Variants in SLC14A2 observed in about 807,000 individuals in gnomAD.
SLC14A2 encodes solute carrier family 14 member 2.
In SLC14A2, 91 loss-of-function variants were observed where a neutral mutation model predicts 104.6. The ratio of observed to expected loss-of-function variants is 0.87; its 90% confidence interval spans 0.73 to 1.04. SLC14A2 has a LOEUF of 1.04. SLC14A2 is among the 50% of genes least tolerant of loss of function. The probability of loss-of-function intolerance (pLI) is 0.00; values close to 1 mark genes in which losing one functional copy is unlikely to be tolerated. For missense variants in SLC14A2, 1,189 were observed against 1,156.0 expected (o/e 1.03, Z -0.41); for synonymous variants, 476 against 466.4 (o/e 1.02, Z -0.27).
chr18:45,540,310 C>T (rs1442854607), intron 2 of SLC14A2, among the ~76,000 whole-genome samples: 2 of 152,260 alleles, frequency 1.3e-5, no homozygotes. Flanking sequence ...GGAGGACCTT[C>T]GCATTCCTTT....
At chr18:45,173,147 A>G in the SLC14A2 span, among the ~76,000 whole-genome samples, 1 of 152,180 alleles carries the variant, frequency 6.6e-6, no homozygotes, top group Non-Finnish European at 1.5e-5. Context: ...CACCAACTAC[A>G]TGGCCCTTTG....
At chr18:45,314,413 C>T (rs1445353169) in intron 1 of SLC14A2, among the ~76,000 whole-genome samples, 3 of 152,168 alleles carry the variant, frequency 2.0e-5, no homozygotes. Flanking sequence ...AGTAGTCATC[C>T]TAACCATGAT....
At chr18:45,573,556 A>T (rs572746882) in intron 2 of SLC14A2, among the ~76,000 whole-genome samples, 1 of 152,342 alleles carries the variant, frequency 6.6e-6, no homozygotes, top group Admixed American at 6.5e-5. Flanking sequence ...ATATGTTCAA[A>T]GGGGCTGAAA....
Position 45,627,020 on chromosome 18 carries a change from A to G in SLC14A2, c.394A>G (p.Ile132Val), listed in dbSNP as rs1484873. The change falls in exon 4 of 20, where the codon ATC becomes GTC. Residue 132 changes from isoleucine to valine, a missense_variant. Physicochemically the swap from Ile to Val is conservative, Grantham distance 29 (BLOSUM62 3). Coordinates refer to ENST00000255226, the MANE Select transcript of SLC14A2 (RefSeq NM_007163.4). Reference protein sequence around the residue: ...VLRGTAQVMFINNPLSGLIIF... With the variant: ...VLRGTAQVMFVNNPLSGLIIF... ...GAGAGGGACCGCTCAGGTGATGTTCATCAACAATCCTCTCAGCGGCCTCAT... is the reference window on the plus strand; with the variant it reads ...GAGAGGGACCGCTCAGGTGATGTTCGTCAACAATCCTCTCAGCGGCCTCAT... 1,503,111 of 1,612,976 alleles carry G rather than the reference A, an allele frequency of 0.93. 701,494 individuals carry two copies. Among genetic ancestry groups the G allele is most frequent in the Middle Eastern group, 0.97 (5,086 of 5,230 alleles).
At chr18:45,391,658 G>A (rs1467125303) in intron 1 of SLC14A2, among the ~76,000 whole-genome samples, 1 of 152,140 alleles carries the variant, frequency 6.6e-6, no homozygotes, top group Non-Finnish European at 1.5e-5. Context: ...GTTTTGATTT[G>A]CATCTCTCTG....
At chr18:45,335,401 A>G (rs1285687704) in intron 1 of SLC14A2, among the ~76,000 whole-genome samples, 1 of 152,222 alleles carries the variant, frequency 6.6e-6, no homozygotes, top group Non-Finnish European at 1.5e-5. Context: ...TTTTGAGGAC[A>G]TCTATTGAAG....
At chr18:45,219,139 C>T (rs2084038466) in intron 1 of SLC14A2, among the ~76,000 whole-genome samples, 1 of 152,104 alleles carries the variant, frequency 6.6e-6, no homozygotes. Flanking sequence ...CCTCAATTTT[C>T]CCATCATTAG....
intron 1 of SLC14A2, among the ~76,000 whole-genome samples, chr18:45,244,347 C>T (rs894409790): frequency 1.3e-5 from 2 of 152,106 alleles, no homozygotes; most frequent in Non-Finnish European, 2.9e-5. Flanking sequence ...GGGGGTGGTG[C>T]TGGGCGCAGT....
At chr18:45,429,678 CTT>C (rs1200978747) in intron 1 of SLC14A2, among the ~76,000 whole-genome samples, 1 of 152,150 alleles carries the variant, frequency 6.6e-6, no homozygotes, top group African/African-American at 2.4e-5. Context: ...GGAGTCTAGT[CTT>C]TGACAAGAGT....
Position 45,282,343 on chromosome 18 carries a change from C to T in SLC14A2, c.-125+69152C>T, listed in dbSNP as rs34736163. 3.4e-3 allele frequency among the ~76,000 whole-genome samples: 517 copies of T among 152,224 alleles called. 4 individuals carry two copies. The highest frequency in any genetic ancestry group is 0.01 in the African/African-American group (436 of 41,546). ...GAGCTATTTGGACCCCAACTTAGTT[C>T]TCTGGATTGTTTTTCTCAAGCCTGG... On this transcript the variant is annotated intron_variant, in intron 1 of 20. Coordinates refer to the SLC14A2 transcript ENST00000586448.
In SLC14A2 at chr18:45,369,001, T is replaced by C. The variant is rs551438531; in HGVS notation, c.-124-114232T>C. Among the ~76,000 whole-genome samples the C allele has an allele frequency of 2.0e-5, 3 of 152,300 alleles. No homozygotes were observed. In the East Asian group the frequency reaches 5.8e-4, roughly 29 times the overall value. On this transcript the variant is annotated intron_variant, in intron 1 of 20. Transcript: ENST00000586448. ...AACTCAGGCTGCTAGGATGTTGTAA[T>C]GGGGATACCTAAATTGAATGAGTGT...
chr18:45,214,643 ATTAC>A (rs1168674372), intron 1 of SLC14A2, among the ~76,000 whole-genome samples: 6 of 152,138 alleles, frequency 3.9e-5, no homozygotes, highest in Admixed American at 6.5e-5. Flanking sequence ...GGAAGAGGGT[ATTAC>A]TTTGTCTTTC....
chr18:45,362,862 C>A (rs1317677089), intron 1 of SLC14A2, among the ~76,000 whole-genome samples: 1 of 152,078 alleles, frequency 6.6e-6, no homozygotes, highest in Non-Finnish European at 1.5e-5. Flanking sequence ...TAGTTCTCAT[C>A]TTTCCCAATT....
chr18:45,618,389 C>T (rs1471891149), intron 1 of SLC14A2, among the ~76,000 whole-genome samples: 4 of 152,126 alleles, frequency 2.6e-5, no homozygotes, highest in African/African-American at 9.7e-5. Context: ...TGAAGTAAGG[C>T]CAGGCACAAT....
At chr18:45,431,421 A>T (rs1405183320) in intron 1 of SLC14A2, among the ~76,000 whole-genome samples, 1 of 152,232 alleles carries the variant, frequency 6.6e-6, no homozygotes, top group Admixed American at 6.5e-5. Context: ...TGAAATAAAG[A>T]TAGTGACACT....
chr18:45,344,550 G>A (rs2085428809), intron 1 of SLC14A2, among the ~76,000 whole-genome samples: 2 of 152,190 alleles, frequency 1.3e-5, no homozygotes, highest in African/African-American at 4.8e-5. Context: ...ACTTAGAGCA[G>A]GGTCTAGAAG....
At chr18:45,499,441 G>A (rs1284880777) in intron 2 of SLC14A2, among the ~76,000 whole-genome samples, 1 of 152,160 alleles carries the variant, frequency 6.6e-6, no homozygotes, top group South Asian at 2.1e-4. Flanking sequence ...TTTATCAGGA[G>A]GCTGATCCCA....
chr18:45,328,500 C>T (rs960028397), intron 1 of SLC14A2, among the ~76,000 whole-genome samples: 1 of 152,200 alleles, frequency 6.6e-6, no homozygotes, highest in East Asian at 1.9e-4. Context: ...TAAGACAACT[C>T]AGTCTTGAGA....
chr18:45,196,624 C>A, the SLC14A2 span, among the ~76,000 whole-genome samples: 1,107 of 152,206 alleles, frequency 7.3e-3, 6 homozygotes, highest in Non-Finnish European at 0.011. Flanking sequence ...GATTATAGAC[C>A]ATCTGAAGGT....
Sources: gnomAD v4.1 joint callset for allele counts (sites outside exome capture counted in the v4.1 genomes callset) on GRCh38, gnomAD v4.1.1 for gene constraint, MANE v1.5 for transcripts, NCBI Gene and HGNC (gene_info 2026-07-23, HGNC 2026-07-21) for gene names.